The following BLNK variants were observed in gnomAD, a reference collection of about 807,000 sequenced individuals.
BLNK encodes the protein B cell linker.
A neutral mutation model predicts 73.5 loss-of-function variants in BLNK; 29 were observed. The ratio of observed to expected loss-of-function variants is 0.39; its 90% CI spans 0.29 to 0.54. The LOEUF (loss-of-function observed/expected upper bound fraction) is 0.54. Ranked by LOEUF, BLNK falls within the 20% of genes least tolerant of loss-of-function variation. BLNK has a pLI of 0.61. For missense variants in BLNK, 460 were observed against 562.8 expected (o/e 0.82, Z 1.85); for synonymous variants, 176 against 200.8 (o/e 0.88, Z 1.04).
Position 96,231,918 on chromosome 10 carries a change from C to T in BLNK, c.164-1084G>A, listed in dbSNP as rs587649222. Among the ~76,000 whole-genome samples, 4 of 152,280 alleles carry T rather than the reference C, an allele frequency of 2.6e-5. No homozygotes were observed. The South Asian group carries it at 6.2e-4, about 24-fold the overall frequency. ...GCCTCGCTCCAGGGGCAGGAGGTGC[C>T]GTCCTGGGCTCTGCATGGGCATAGA... On this transcript the variant is annotated intron_variant, in intron 3 of 16. Transcript: ENST00000224337.
rs2083907505 is a variant in BLNK at position 96,209,868 on chromosome 10, G to T, written c.716C>A (p.Pro239Gln). 3 of 1,614,086 alleles carry T rather than the reference G, an allele frequency of 1.9e-6. No homozygotes were observed. Among genetic ancestry groups the T allele is most frequent in the African/African-American group, 1.3e-5 (1 of 74,938 alleles). The stretch of plus-strand genomic sequence containing the variant: ...CCGTGGCAACGGGGATGGTGCAGCT[G>T]GTGGAGGTGACTTGGTTTCCCAGGC... ...SGAWETKSPP[P>Q]AAPSPLPRAG... Residue 239 changes from proline to glutamine, a missense_variant, in exon 9 of 17, where the codon CCA (proline) becomes CAA (glutamine). Pro to Gln is a moderately conservative substitution (Grantham distance 76). Coordinates refer to ENST00000224337, the MANE Select transcript of BLNK (RefSeq NM_013314.4).
At chr10:96,192,411 C>T (rs587755653) in intron 16 of BLNK, among the ~76,000 whole-genome samples, 3 of 152,218 alleles carry the variant, frequency 2.0e-5, no homozygotes, top group South Asian at 2.1e-4. Context: ...TATCATACAA[C>T]GCATTTTTCT....
chr10:96,263,410 C>T (rs921591838), intron 1 of BLNK, among the ~76,000 whole-genome samples: 2 of 152,198 alleles, frequency 1.3e-5, no homozygotes, highest in African/African-American at 4.8e-5. Flanking sequence ...AACTGGCCAA[C>T]AGAGAAGTGT....
intron 1 of BLNK, among the ~76,000 whole-genome samples, chr10:96,258,295 G>A (rs756401914): frequency 4.6e-5 from 7 of 152,206 alleles, no homozygotes; most frequent in African/African-American, 7.2e-5. Flanking sequence ...GGTCGAGTTA[G>A]TGGCCTTCTC....
rs781955561 is a variant in BLNK at position 96,242,770 on chromosome 10, G to A, written c.128C>T (p.Ala43Val). 25 of 1,613,954 alleles carry A rather than the reference G, an allele frequency of 1.5e-5. No individual in the cohort carries two copies. The South Asian group carries it at 2.4e-4, about 16-fold the overall frequency. The change falls in exon 3 of 17, where the codon GCA becomes GTA. Residue 43 changes from alanine to valine, a missense_variant. Ala to Val is a moderately conservative substitution (Grantham distance 64, BLOSUM62 0). Around this residue, in one of 3 missense-constraint regions of BLNK, gnomAD observed 139 missense variants for 187.3 expected, o/e 0.74. Transcript: ENST00000224337. ...MNKIKKLKVK[A>V]PPSVPRRDYA... is the part of the protein sequence containing the mutation. Reference sequence around the variant, plus strand: ...GTCCCTTCGAGGAACACTTGGAGGTGCTTTGACTTTTAGCCTGGAAATAAC... The same window carrying A: ...GTCCCTTCGAGGAACACTTGGAGGTACTTTGACTTTTAGCCTGGAAATAAC...
chr10:96,194,193 T>C (rs2083400333), intron 16 of BLNK, among the ~76,000 whole-genome samples: 1 of 152,102 alleles, frequency 6.6e-6, no homozygotes, highest in African/African-American at 2.4e-5. Flanking sequence ...GACCTCGAAA[T>C]AGGACAGCTT....
chr10:96,238,712 C>G (rs1023036216), intron 3 of BLNK, among the ~76,000 whole-genome samples: 1 of 152,056 alleles, frequency 6.6e-6, no homozygotes, highest in Non-Finnish European at 1.5e-5. Flanking sequence ...TGGTTTTGGA[C>G]CATTTCCGGG....
At chr10:96,193,608 C>T (rs1421344571) in intron 16 of BLNK, among the ~76,000 whole-genome samples, 3 of 152,046 alleles carry the variant, frequency 2.0e-5, no homozygotes, top group African/African-American at 7.2e-5. Flanking sequence ...TACAGCTTCC[C>T]CTCACTCTCC....
intron 11 of BLNK, chr10:96,204,870 T>C: frequency 2.3e-6 from 1 of 443,850 alleles, no homozygotes; most frequent in Non-Finnish European, 4.2e-6. Flanking sequence ...GCAATGTACA[T>C]AGAGACTGAA....
intron 1 of BLNK, among the ~76,000 whole-genome samples, chr10:96,260,097 C>G (rs1308506902): frequency 1.3e-5 from 2 of 152,144 alleles, no homozygotes; most frequent in African/African-American, 4.8e-5. Flanking sequence ...TTGCTGGACT[C>G]TGCTCTCACC....
In BLNK at chr10:96,209,843, C is replaced by T. The variant is rs782808467; in HGVS notation, c.741G>A (p.Arg247=). The T allele has an allele frequency of 6.2e-7, 1 of 1,614,216 alleles. No homozygotes were observed. Among genetic ancestry groups the T allele is most frequent in the South Asian group, 1.1e-5 (1 of 91,086 alleles). ...PPPAAPSPLP[R]AGKKPTTPLK... ...TTCCTGCAACAGGTACTTACCCGGC[C>T]CGTGGCAACGGGGATGGTGCAGCTG... is the stretch of plus-strand genomic sequence containing the variant. The change falls in exon 9 of 17, where the codon CGG becomes CGA. Residue 247 remains arginine (R), a synonymous_variant. Transcript: ENST00000224337.
chr10:96,209,866 C>G lies in BLNK; in HGVS notation c.718G>C (p.Ala240Pro), dbSNP rs782562224. ...GAWETKSPPP[A>P]APSPLPRAGK... The stretch of plus-strand genomic sequence containing the variant: ...GCCCGTGGCAACGGGGATGGTGCAG[C>G]TGGTGGAGGTGACTTGGTTTCCCAG... The change falls in exon 9 of 17, where the codon GCT becomes CCT. Residue 240 changes from alanine (A) to proline (P), a missense_variant. This residue lies in a region of BLNK where 233 missense variants were observed against 232.1 expected (regional missense o/e 1.00). Transcript: ENST00000224337. 1.9e-6 allele frequency: 3 copies of G among 1,614,216 alleles called. No individual in the cohort carries two copies. The highest frequency in any genetic ancestry group is 2.2e-5 in the South Asian group (2 of 91,088).
chr10:96,270,122 C>A (rs1014536862), intron 1 of BLNK, among the ~76,000 whole-genome samples: 4 of 152,190 alleles, frequency 2.6e-5, no homozygotes, highest in Non-Finnish European at 5.9e-5. Context: ...CCCGTCAGTG[C>A]TGATCACACA....
At chr10:96,209,492 A>C (rs2083898399) in intron 9 of BLNK, among the ~76,000 whole-genome samples, 1 of 152,166 alleles carries the variant, frequency 6.6e-6, no homozygotes, top group Admixed American at 6.5e-5. Context: ...GCAGAGGTTC[A>C]AGTGATCCTC....
At chr10:96,223,725 C>T (rs974076250) in intron 6 of BLNK, 101 bp downstream of exon 6, 16 of 1,396,668 alleles carry the variant, frequency 1.1e-5, no homozygotes, top group Non-Finnish European at 1.5e-5. Context: ...CAGTCAATAG[C>T]AGGTTGTAAA....
intron 3 of BLNK, among the ~76,000 whole-genome samples, chr10:96,242,526 A>G (rs1223372047): frequency 6.6e-6 from 1 of 152,224 alleles, no homozygotes; most frequent in Non-Finnish European, 1.5e-5. Context: ...TTAATAAGTG[A>G]CCAATAAATA....
intron 10 of BLNK, 57 bp from the exon 11 acceptor site, chr10:96,207,110 G>A (rs1360757396): frequency 1.2e-5 from 17 of 1,445,668 alleles, no homozygotes; most frequent in Non-Finnish European, 1.6e-5. Flanking sequence ...GGAAATAAAT[G>A]TCAGAGCAAT....
At chr10:96,239,172 CA>C in intron 3 of BLNK, 2 of 398,408 alleles carry the variant, frequency 5.0e-6, no homozygotes, top group South Asian at 1.3e-4. Flanking sequence ...TGTCTGAGGA[CA>C]AAAAAGAGAA....
intron 11 of BLNK, 86 bp from the exon 12 acceptor site, chr10:96,204,702 A>C: frequency 8.1e-7 from 1 of 1,235,784 alleles, no homozygotes; most frequent in Non-Finnish European, 1.2e-6. Context: ...GAGAAGAACC[A>C]AATTTGATCA....
Sources: allele counts gnomAD v4.1 joint callset (sites outside exome capture counted in the v4.1 genomes callset), GRCh38; gene constraint gnomAD v4.1.1; regional missense constraint gnomAD v4.1.1; transcripts MANE v1.5; gene names NCBI Gene and HGNC (gene_info 2026-07-23, HGNC 2026-07-21).